Variants in AKAP6 observed in about 807,000 individuals in gnomAD.
The protein encoded by AKAP6 is A-kinase anchoring protein 6.
Under a neutral mutation model 188.5 loss-of-function variants are expected in AKAP6, and 58 were observed. The ratio of observed to expected loss-of-function variants is 0.31; its 90% CI spans 0.25 to 0.38. The LOEUF is 0.38. Ranked by LOEUF, AKAP6 falls within the 10% of genes least tolerant of loss-of-function variation. The pLI is 1.00. For synonymous variants in AKAP6, 989 were observed against 998.6 expected (o/e 0.99, Z 0.18); for missense variants, 2,710 against 2,740.0 (o/e 0.99, Z 0.24).
intron 1 of AKAP6, among the ~76,000 whole-genome samples, chr14:32,377,655 A>G (rs903893074): frequency 1.3e-5 from 2 of 152,196 alleles, no homozygotes; most frequent in South Asian, 2.1e-4. Context: ...GACATCAGCC[A>G]CACCTGTGTT....
chr14:32,591,162 C>T (rs10149417), intron 5 of AKAP6, among the ~76,000 whole-genome samples: 5,183 of 152,228 alleles, frequency 0.034, 233 homozygotes, highest in African/African-American at 0.11. Flanking sequence ...TATTCCACCT[C>T]AGGGGGTAGA....
At chr14:32,543,042 A>C (rs1883033770) in intron 3 of AKAP6, among the ~76,000 whole-genome samples, 1 of 152,212 alleles carries the variant, frequency 6.6e-6, no homozygotes, top group African/African-American at 2.4e-5. Context: ...TTGTGTCTTC[A>C]TGTTGGGAAC....
At chr14:32,696,476 A>C (rs984973608) in intron 9 of AKAP6, among the ~76,000 whole-genome samples, 1 of 152,208 alleles carries the variant, frequency 6.6e-6, no homozygotes, top group Non-Finnish European at 1.5e-5. Context: ...ACTCAGGTGG[A>C]TTCTATCTAC....
At chr14:32,675,775 T>G (rs1312039502) in intron 7 of AKAP6, among the ~76,000 whole-genome samples, 1 of 152,246 alleles carries the variant, frequency 6.6e-6, no homozygotes, top group Non-Finnish European at 1.5e-5. Flanking sequence ...TTATAACATT[T>G]CAATCATTTT....
intron 1 of AKAP6, among the ~76,000 whole-genome samples, chr14:32,336,918 G>A (rs981174581): frequency 6.6e-6 from 1 of 152,118 alleles, no homozygotes; most frequent in African/African-American, 2.4e-5. Context: ...TATTACATTA[G>A]CATAAAAGTA....
At chr14:32,588,863 T>C (rs2139311069) in intron 5 of AKAP6, among the ~76,000 whole-genome samples, 1 of 152,352 alleles carries the variant, frequency 6.6e-6, no homozygotes, top group South Asian at 2.1e-4. Flanking sequence ...TATTTCTGAT[T>C]AAACAGCTTT....
intron 1 of AKAP6, among the ~76,000 whole-genome samples, chr14:32,334,331 G>T (rs1281600204): frequency 5.3e-5 from 8 of 152,172 alleles, no homozygotes; most frequent in Non-Finnish European, 8.8e-5. Flanking sequence ...TGTCCTGCCT[G>T]GGATGTGTAT....
chr14:32,620,903 G>T (rs1036026316), intron 7 of AKAP6, among the ~76,000 whole-genome samples: 2 of 151,908 alleles, frequency 1.3e-5, no homozygotes, highest in South Asian at 4.2e-4. Context: ...AGGGTCATAA[G>T]TTCCCTGGAA....
intron 1 of AKAP6, among the ~76,000 whole-genome samples, chr14:32,379,502 T>C (rs1888274622): frequency 6.6e-6 from 1 of 152,118 alleles, no homozygotes. Flanking sequence ...CATTTCCTTT[T>C]TCTCTCCCCA....
intron 11 of AKAP6, among the ~76,000 whole-genome samples, chr14:32,765,265 A>G (rs1215937964): frequency 3.9e-5 from 6 of 152,126 alleles, no homozygotes; most frequent in Admixed American, 2.6e-4. Flanking sequence ...TTTGAAGAGA[A>G]TGTAACATTA....
At chr14:32,776,353 A>G (rs2033061682) in intron 12 of AKAP6, among the ~76,000 whole-genome samples, 2 of 152,140 alleles carry the variant, frequency 1.3e-5, no homozygotes, top group Admixed American at 1.3e-4. Context: ...ATGGTTTTAT[A>G]AGGGGAAACC....
rs1884327625 is a variant in AKAP6 at position 32,568,845 on chromosome 14, T to A, written c.2347-8275T>A. On this transcript the variant is annotated intron_variant, in intron 4 of 13. Transcript: ENST00000280979. The surrounding 1 kb of genome is among the most constrained non-coding windows in gnomAD (Gnocchi z 6.2). ...TAAGTGCTCAGTTAATGTTAACCTA[T>A]TGTTTGTTCCAGTTTATTCCCATTT... Among the ~76,000 whole-genome samples the A allele has an allele frequency of 6.6e-6, 1 of 152,216 alleles. No individual in the cohort carries two copies.
In AKAP6 at chr14:32,836,111, T is replaced by A. The variant is rs1264486829; in HGVS notation, c.*6306T>A. ...TTGCCTGCATAAAGCAACTCTTTTGTCTCTTTTCCATTGCAACACACAGGA... is the reference window on the plus strand; with the variant it reads ...TTGCCTGCATAAAGCAACTCTTTTGACTCTTTTCCATTGCAACACACAGGA... On this transcript the variant is annotated 3_prime_UTR_variant, in exon 14 of 14. Coordinates refer to ENST00000280979, the MANE Select transcript of AKAP6 (RefSeq NM_004274.5). The A allele has an allele frequency of 2.6e-5, 4 of 152,206 alleles. No individual in the cohort carries two copies. The highest frequency in any genetic ancestry group is 5.9e-5 in the Non-Finnish European group (4 of 68,048). The allele number at this position is 152,206 out of a possible 1,614,324, so 9.4% of individuals were successfully genotyped here.
intron 11 of AKAP6, among the ~76,000 whole-genome samples, chr14:32,750,306 C>T (rs1006186499): frequency 4.0e-5 from 6 of 151,818 alleles, no homozygotes; most frequent in Non-Finnish European, 8.8e-5. Flanking sequence ...CAGCCTATTT[C>T]CCTATTTTTG....
chr14:32,495,220 G>C (rs1489135697), intron 2 of AKAP6: 1 of 152,222 alleles, frequency 6.6e-6, no homozygotes, highest in Non-Finnish European at 1.5e-5. Context: ...TGGTTAACTA[G>C]AGACAGCTGA....
intron 2 of AKAP6, among the ~76,000 whole-genome samples, chr14:32,454,348 G>A (rs1176893921): frequency 2.0e-5 from 3 of 152,132 alleles, no homozygotes; most frequent in Non-Finnish European, 2.9e-5. Flanking sequence ...ATTTAGAAAG[G>A]GAACACCCCC....
chr14:32,615,563 A>G (rs894393355), intron 7 of AKAP6, among the ~76,000 whole-genome samples: 1 of 147,364 alleles, frequency 6.8e-6, no homozygotes, highest in African/African-American at 2.6e-5. Context: ...ACTTCCTTTT[A>G]CATGTTTCCC....
chr14:32,717,324 C>A lies in AKAP6; in HGVS notation c.3001-15130C>A, dbSNP rs75185518. ...CAGCCTTTATGCAAAATGTTTAAGT[C>A]ATCAACATCATATTCTGTCATCTGT... On this transcript the variant is annotated intron_variant, in intron 9 of 13. Coordinates refer to ENST00000280979, the MANE Select transcript of AKAP6 (RefSeq NM_004274.5). 9.6e-4 allele frequency among the ~76,000 whole-genome samples: 146 copies of A among 152,160 alleles called. 4 individuals are homozygous for A. The East Asian group carries it at 0.024, about 25-fold the overall frequency.
At chr14:32,687,400 A>ATCTCTCTCTCTCTCTCTC (rs71115092) in intron 8 of AKAP6, among the ~76,000 whole-genome samples, 2 of 128,976 alleles carry the variant, frequency 1.6e-5, no homozygotes, top group Non-Finnish European at 3.4e-5. Context: ...CATACTAACT[A>ATCTCTCTCTCTCTCTCTC]TCTCTCTCTC....
Sources: allele counts gnomAD v4.1 joint callset (sites outside exome capture counted in the v4.1 genomes callset), GRCh38; gene constraint gnomAD v4.1.1; non-coding constraint Gnocchi (gnomAD v3.1); transcripts MANE v1.5; gene names NCBI Gene and HGNC (gene_info 2026-07-23, HGNC 2026-07-21).